The following NPNT variants were observed in gnomAD, a reference collection of about 807,000 sequenced individuals.
NPNT encodes preosteoblast EGF-like repeat protein with MAM domain.
Under a neutral mutation model 68.6 loss-of-function variants are expected in NPNT, and 45 were observed. The observed-to-expected ratio is 0.66, with a 90% confidence interval of 0.52 to 0.84. The LOEUF is 0.84. NPNT is among the 40% of genes least tolerant of loss of function. The probability of loss-of-function intolerance (pLI) is 0.00; values close to 1 mark genes in which losing one functional copy is unlikely to be tolerated. For missense variants in NPNT, 672 were observed against 714.8 expected (o/e 0.94, Z 0.68); for synonymous variants, 233 against 253.3 (o/e 0.92, Z 0.76).
At chr4:105,928,261 C>T (rs1728838216) in intron 3 of NPNT, among the ~76,000 whole-genome samples, 1 of 151,942 alleles carries the variant, frequency 6.6e-6, no homozygotes, top group Non-Finnish European at 1.5e-5. Flanking sequence ...AAATGTGATC[C>T]TCGAACTCAT....
intron 10 of NPNT, among the ~76,000 whole-genome samples, chr4:105,965,291 T>C (rs1370023367): frequency 6.6e-6 from 1 of 151,894 alleles, no homozygotes; most frequent in East Asian, 1.9e-4. Context: ...ACTGAATCAA[T>C]TTTTCCCTTA....
intron 2 of NPNT, 21 bp from the exon 3 acceptor site, chr4:105,927,315 C>T (rs1189576828): frequency 6.6e-7 from 1 of 1,513,508 alleles, no homozygotes; most frequent in South Asian, 1.1e-5. Flanking sequence ...AGAAATAATG[C>T]ATGCCATCTT....
intron 10 of NPNT, among the ~76,000 whole-genome samples, chr4:105,962,343 T>A (rs1440383444): frequency 6.6e-6 from 1 of 152,168 alleles, no homozygotes; most frequent in Non-Finnish European, 1.5e-5. Context: ...AAATGATGCA[T>A]CAGGGTTCCT....
chr4:105,906,035 C>T (rs1167554235), intron 2 of NPNT, among the ~76,000 whole-genome samples: 1 of 152,070 alleles, frequency 6.6e-6, no homozygotes, highest in African/African-American at 2.4e-5. Flanking sequence ...TCCAGGAATT[C>T]ACACAATTAA....
chr4:105,914,483 AGAGAGAGATAATG>A (rs889763872), intron 2 of NPNT, among the ~76,000 whole-genome samples: 129 of 140,070 alleles, frequency 9.2e-4, no homozygotes, highest in African/African-American at 3.2e-3. Context: ...ATATATATAG[AGAGAGAGATAATG>A]GAGAGAGAGA....
Position 105,967,209 on chromosome 4 carries a change from C to T in NPNT, c.1367C>T (p.Ser456Leu), listed in dbSNP as rs756063097. 44 of 1,613,572 alleles carry T rather than the reference C, an allele frequency of 2.7e-5. No individual in the cohort carries two copies. The highest frequency in any genetic ancestry group is 5.3e-5 in the African/African-American group (4 of 74,894). Residue 456 changes from serine (S) to leucine (L), a missense_variant, in exon 11 of 12, where the codon TCG (serine) becomes TTG (leucine). Ser to Leu is a moderately radical substitution (Grantham distance 145). Transcript: ENST00000379987. Reference protein sequence around the residue: ...DPAGGQYLTVSAAKAPGGKAA... With the variant: ...DPAGGQYLTVLAAKAPGGKAA... Reference sequence around the variant, plus strand: ...CCAGGTGGACAATATCTGACAGTGTCGGCAGCCAAAGCCCCAGGGGGAAAA... The same window carrying T: ...CCAGGTGGACAATATCTGACAGTGTTGGCAGCCAAAGCCCCAGGGGGAAAA...
chr4:105,906,463 A>G (rs1291822208), intron 2 of NPNT, among the ~76,000 whole-genome samples: 1 of 151,730 alleles, frequency 6.6e-6, no homozygotes, highest in African/African-American at 2.4e-5. Context: ...GCTGTTCTAT[A>G]CATAGTTTAA....
Position 105,895,608 on chromosome 4 carries a change from T to C in NPNT, c.-45T>C, listed in dbSNP as rs902297929. On this transcript the variant is annotated 5_prime_UTR_variant, in exon 1 of 12. Coordinates refer to ENST00000379987, the MANE Select transcript of NPNT (RefSeq NM_001033047.3). ...CATCGGCGCCCACCACCCCAACCTG[T>C]TCCTCGCGCGCCACTGCGCTGCGCC... 6.6e-7 allele frequency: 1 copy of C among 1,517,442 alleles called. No individual in the cohort carries two copies. Among genetic ancestry groups the C allele is most frequent in the Non-Finnish European group, 8.9e-7 (1 of 1,119,282 alleles). The allele number at this position is 1,517,442 out of a possible 1,614,324, so 94.0% of individuals were successfully genotyped here. A position where few individuals can be genotyped will look rare whatever the true frequency, so the allele number is the denominator to read the frequency against.
intron 2 of NPNT, among the ~76,000 whole-genome samples, chr4:105,907,315 A>G (rs1354209963): frequency 3.3e-5 from 5 of 152,164 alleles, no homozygotes; most frequent in African/African-American, 1.2e-4. Flanking sequence ...AAAAAAAAGC[A>G]AATAGTGATT....
chr4:105,942,115 G>GTGTA, intron 7 of NPNT, among the ~76,000 whole-genome samples, 192 bp from the exon 8 acceptor site: 1 of 72,278 alleles, frequency 1.4e-5, no homozygotes, highest in South Asian at 4.5e-4. Flanking sequence ...CTGTGTGTGT[G>GTGTA]TATATATATA....
chr4:105,905,327 G>GA (rs1726801008), intron 2 of NPNT, among the ~76,000 whole-genome samples: 2 of 152,132 alleles, frequency 1.3e-5, no homozygotes, highest in South Asian at 4.1e-4. Flanking sequence ...ATGATTAGGT[G>GA]AAAAATTAAA....
chr4:105,934,133 A>C (rs1283718829), intron 3 of NPNT, among the ~76,000 whole-genome samples: 1 of 152,220 alleles, frequency 6.6e-6, no homozygotes, highest in African/African-American at 2.4e-5. Context: ...AGTATGATCA[A>C]TGACTTCATT....
chr4:105,929,318 C>T (rs1442336176), intron 3 of NPNT, among the ~76,000 whole-genome samples: 1 of 152,010 alleles, frequency 6.6e-6, no homozygotes, highest in Non-Finnish European at 1.5e-5. Flanking sequence ...ATTCATGAAC[C>T]ATCAGATGAA....
intron 2 of NPNT, among the ~76,000 whole-genome samples, chr4:105,916,711 G>T: frequency 6.6e-6 from 1 of 152,028 alleles, no homozygotes; most frequent in Admixed American, 6.5e-5. Flanking sequence ...CTACATTGTG[G>T]TTATTTATGG....
chr4:105,959,954 C>T (rs758556811), intron 10 of NPNT, among the ~76,000 whole-genome samples: 5 of 151,926 alleles, frequency 3.3e-5, no homozygotes, highest in Non-Finnish European at 7.4e-5. Flanking sequence ...GGACTACAGG[C>T]ATGTGCCACC....
At chr4:105,964,523 G>GT (rs1302158467) in intron 10 of NPNT, among the ~76,000 whole-genome samples, 2 of 152,044 alleles carry the variant, frequency 1.3e-5, no homozygotes, top group African/African-American at 4.8e-5. Context: ...TACAATATTT[G>GT]AAAACCATTC....
chr4:105,946,265 GT>G (rs1286295658), intron 8 of NPNT, among the ~76,000 whole-genome samples: 2 of 152,170 alleles, frequency 1.3e-5, no homozygotes, highest in Non-Finnish European at 2.9e-5. Flanking sequence ...ACTTTAAGCA[GT>G]TGGTTAGATA....
chr4:105,919,751 T>C (rs1018909211), intron 2 of NPNT, among the ~76,000 whole-genome samples: 1 of 152,040 alleles, frequency 6.6e-6, no homozygotes, highest in Non-Finnish European at 1.5e-5. Flanking sequence ...TGTTATGATA[T>C]TCCTTGTGCA....
chr4:105,923,388 C>G (rs1357599798), intron 2 of NPNT, among the ~76,000 whole-genome samples: 1 of 151,822 alleles, frequency 6.6e-6, no homozygotes, highest in African/African-American at 2.4e-5. Context: ...TATTTCTGTA[C>G]TAGGATCTAC....
Sources: gnomAD v4.1 joint callset for allele counts (sites outside exome capture counted in the v4.1 genomes callset) on GRCh38, gnomAD v4.1.1 for gene constraint, MANE v1.5 for transcripts, NCBI Gene and HGNC (gene_info 2026-07-23, HGNC 2026-07-21) for gene names.